Variants in ADAD2 observed in about 807,000 individuals in gnomAD.
ADAD2 encodes adenosine deaminase domain-containing protein 2.
In ADAD2, 60 loss-of-function variants were observed where a neutral mutation model predicts 54.5. The ratio of observed to expected loss-of-function variants is 1.10; its 90% confidence interval spans 0.89 to 1.36. The LOEUF is 1.36. ADAD2 is among the 40% of genes most tolerant of loss of function. The pLI is 0.00. For synonymous variants in ADAD2, 543 were observed against 366.2 expected, an observed-to-expected ratio of 1.48 and a Z score of -5.51; for missense variants, 1,103 against 801.3, an observed-to-expected ratio of 1.38 and a Z score of -4.54.
Position 84,196,775 on chromosome 16 carries a change from C to T in ADAD2, c.1647+8C>T. 6.2e-7 allele frequency: 1 copy of T among 1,605,004 alleles called. No homozygotes were observed. ...ACCTACGAGGCTGCCAAGGTTGGTT[C>T]CCCACCCTCCCCCCGTCCCGGTCCC... On this transcript the variant is annotated splice_region_variant and intron_variant, in intron 9 of 9. Transcript: ENST00000315906.
chr16:84,196,460 CG>C lies in ADAD2; in HGVS notation c.1526+91del. On this transcript the variant is annotated intron_variant, in intron 8 of 9. Coordinates refer to ENST00000315906, the MANE Select transcript of ADAD2 (RefSeq NM_001145400.2). ...CTTCCTCACCTCAGTCTAATCCCAG[CG>C]CAACCCCTTCGCTCAACCCCTTCGC... 1.9e-6 allele frequency: 3 copies of C among 1,546,944 alleles called. No individual in the cohort carries two copies. In the African/African-American group the frequency reaches 4.1e-5, roughly 21 times the overall value.
rs914904996 is a variant in ADAD2 at position 84,196,756 on chromosome 16, G to A, written c.1636G>A (p.Glu546Lys). ...CTACCTCCTGGCCTTGAAGACCTAC[G>A]AGGCTGCCAAGGTTGGTTCCCCACC... ...KPYLLALKTY[E>K]AAKAGPYQEA... Residue 546 changes from glutamate (E) to lysine (K), a missense_variant, in exon 9 of 10, where the codon GAG (glutamate) becomes AAG (lysine). Transcript: ENST00000315906. 14 of 1,611,492 alleles carry A rather than the reference G, an allele frequency of 8.7e-6. No individual in the cohort carries two copies. In the East Asian group the frequency reaches 1.1e-4, roughly 13 times the overall value.
At chr16:84,192,207 C>G (rs1356534232) in intron 1 of ADAD2, among the ~76,000 whole-genome samples, 1 of 152,196 alleles carries the variant, frequency 6.6e-6, no homozygotes, top group East Asian at 1.9e-4. Context: ...TGCGGTGGAA[C>G]AAGCTTGCCT....
At position 84,191,593 on chromosome 16, in the gene ADAD2, G is replaced by A; in HGVS notation, c.363G>A (p.Thr121=). 9.7e-6 allele frequency: 15 copies of A among 1,551,184 alleles called. No homozygotes were observed. Among genetic ancestry groups the A allele is most frequent in the Non-Finnish European group, 1.1e-5 (13 of 1,147,668 alleles). ...PPASQAVSLL[T]EYAASLGIFL... is the part of the protein sequence containing the mutation. ...CCAGCCAGGCCGTGTCCTTGCTCAC[G>A]GAGTACGCGGCCAGCCTGGGCATCT... is the stretch of plus-strand genomic sequence containing the variant. The change falls in exon 1 of 10, where the codon ACG becomes ACA. Residue 121 remains threonine (T), a synonymous_variant. Coordinates refer to ENST00000315906, the MANE Select transcript of ADAD2 (RefSeq NM_001145400.2).
At position 84,196,170 on chromosome 16, in the gene ADAD2, CACCCGGCCCT is replaced by C. The variant is rs778112863; in HGVS notation, c.1327_1336del (p.Thr443AlafsTer40). ...CTCCGACTCTGAGCAGGGCCATCCA[CACCCGGCCCT>C]GCCTGGACAGTGTCCTGGGGCCATG... On this transcript the variant is annotated frameshift_variant, in exon 8 of 10. Coordinates refer to ENST00000315906, the MANE Select transcript of ADAD2 (RefSeq NM_001145400.2). LOFTEE classifies it high-confidence loss of function. 4.4e-6 allele frequency: 7 copies of C among 1,607,230 alleles called. No individual in the cohort carries two copies. Among genetic ancestry groups the C allele is most frequent in the Admixed American group, 1.7e-5 (1 of 60,000 alleles).
Position 84,191,324 on chromosome 16 carries a change from TGGCGACCGCTACCCGCCCA to T in ADAD2, c.98_116del (p.Arg33ProfsTer26). 3.2e-6 allele frequency: 5 copies of T among 1,584,582 alleles called. No individual in the cohort carries two copies. The highest frequency in any genetic ancestry group is 4.3e-6 in the Non-Finnish European group (5 of 1,165,492). On this transcript the variant is annotated frameshift_variant, in exon 1 of 10. Transcript: ENST00000315906. LOFTEE classifies it high-confidence loss of function. ...GCAGATCAGCCCCCAGCCCCGCCCC[TGGCGACCGCTACCCGCCCA>T]GGCCCAAAGTGCCTGGGGGCCCGCG...
rs1462457369 is a variant in ADAD2 at position 84,194,924 on chromosome 16, C to T, written c.560-9C>T. ...ACCCACACCAGCCCGCCCTCCTTGC[C>T]TCTTTCAGAGTCCCCCCAGACCTCC... is the stretch of plus-strand genomic sequence containing the variant. On this transcript the variant is annotated splice_polypyrimidine_tract_variant and intron_variant, in intron 2 of 9. Coordinates refer to ENST00000315906, the MANE Select transcript of ADAD2 (RefSeq NM_001145400.2). The T allele has an allele frequency of 6.2e-7, 1 of 1,602,890 alleles. No individual in the cohort carries two copies. Among genetic ancestry groups the T allele is most frequent in the Non-Finnish European group, 8.5e-7 (1 of 1,175,088 alleles).
At chr16:84,192,215 C>T (rs1324268206) in intron 1 of ADAD2, among the ~76,000 whole-genome samples, 1 of 152,174 alleles carries the variant, frequency 6.6e-6, no homozygotes, top group Non-Finnish European at 1.5e-5. Context: ...AACAAGCTTG[C>T]CTCACTGCAG....
chr16:84,194,847 C>A, intron 2 of ADAD2, 86 bp from the exon 3 acceptor site: 1 of 1,437,794 alleles, frequency 7.0e-7, no homozygotes, highest in Non-Finnish European at 9.4e-7. Context: ...AAGATGAAAA[C>A]TTCCTCTCCC....
intron 5 of ADAD2, 35 bp downstream of exon 5, chr16:84,195,481 CT>C: frequency 6.2e-7 from 1 of 1,605,616 alleles, no homozygotes. Context: ...TGATAGCAGC[CT>C]TCGCCAGGAC....
In ADAD2 at chr16:84,195,304, C is replaced by A. The variant is rs200435738; in HGVS notation, c.742C>A (p.Arg248Ser). The A allele has an allele frequency of 1.1e-5, 17 of 1,611,280 alleles. No individual in the cohort carries two copies. The South Asian group carries it at 1.9e-4, about 18-fold the overall frequency. Residue 248 changes from arginine to serine, a missense_variant, in exon 5 of 10, where the codon CGT (arginine) becomes AGT (serine). Transcript: ENST00000315906. ...TGCCCCCTCCTGCACAGAGATCCCGCGTGCCAGGGGCCACGTGAAGGAGAT... is the reference window on the plus strand; with the variant it reads ...TGCCCCCTCCTGCACAGAGATCCCGAGTGCCAGGGGCCACGTGAAGGAGAT... ...AGVILEREIP[R>S]ARGHVKEIYK... is the part of the protein sequence containing the mutation.
At position 84,195,647 on chromosome 16, in the gene ADAD2, C is replaced by T. The variant is rs2089718663; in HGVS notation, c.1002C>T (p.Phe334=). ...CATTCACCCTCAAGCCCCGCGTCTT[C>T]CTGCACCTCTACATCAGCAACACCC... The part of the protein sequence containing the change: ...GPPFTLKPRV[F]LHLYISNTPK... Residue 334 remains phenylalanine (F), a synonymous_variant, in exon 6 of 10, where the codon TTC becomes TTT. Coordinates refer to ENST00000315906, the MANE Select transcript of ADAD2 (RefSeq NM_001145400.2). 6.3e-6 allele frequency: 10 copies of T among 1,599,994 alleles called. No individual in the cohort carries two copies. The East Asian group carries it at 6.7e-5, about 11-fold the overall frequency.
rs372806832 is a variant in ADAD2 at position 84,196,832 on chromosome 16, G to T, written c.1648-38G>T. 269 of 1,595,308 alleles carry T rather than the reference G, an allele frequency of 1.7e-4. 1 individual carries two copies. The African/African-American group carries it at 3.3e-3, about 20-fold the overall frequency. On this transcript the variant is annotated intron_variant, in intron 9 of 9. Transcript: ENST00000315906. ...GCCCTGCAGTCCCTGCCCCCTGCAG[G>T]TACCTCCTCTCACCCCACCTCTCAT...
In ADAD2 at chr16:84,196,108, T is replaced by C. The variant is rs771801333; in HGVS notation, c.1283-19T>C. ...GGCAGGGAGGTCACTCACCTTGTCC[T>C]GTCCCTTCTGCCCTGCAGCTGACTC... On this transcript the variant is annotated intron_variant, in intron 7 of 9. Transcript: ENST00000315906. The C allele has an allele frequency of 4.4e-6, 7 of 1,600,514 alleles. No individual in the cohort carries two copies. The South Asian group carries it at 7.7e-5, about 18-fold the overall frequency.
At position 84,194,450 on chromosome 16, in the gene ADAD2, T is replaced by G; in HGVS notation, c.427T>G (p.Phe143Val). The change falls in exon 2 of 10, where the codon TTC becomes GTC. Residue 143 changes from phenylalanine (F) to valine (V), a missense_variant. Transcript: ENST00000315906. Reference sequence around the variant, plus strand: ...CCTGGCTCCTTCCCCAGGTCCCTGCTTCCCCTTCTCGGTGAGCGCGGAACT... The same window carrying G: ...CCTGGCTCCTTCCCCAGGTCCCTGCGTCCCCTTCTCGGTGAGCGCGGAACT... ...FREDQPPGPC[F>V]PFSVSAELDG... 1 of 1,605,384 alleles carries G rather than the reference T, an allele frequency of 6.2e-7. No homozygotes were observed. The highest frequency in any genetic ancestry group is 1.1e-5 in the South Asian group (1 of 90,330).
Position 84,191,195 on chromosome 16 carries a change from G to T in ADAD2, c.-36G>T. 6.3e-7 allele frequency: 1 copy of T among 1,592,144 alleles called. No individual in the cohort carries two copies. The highest frequency in any genetic ancestry group is 1.1e-5 in the South Asian group (1 of 90,028). On this transcript the variant is annotated 5_prime_UTR_variant, in exon 1 of 10. Transcript: ENST00000315906. ...GTGTGAAAGGGCGAGAGCAGCGCGA[G>T]ATAGGGCCTAGCGCCTCAGATCTTC...
Position 84,195,889 on chromosome 16 carries a change from T to G in ADAD2, c.1127T>G (p.Leu376Arg), listed in dbSNP as rs200658205. ...CTGCAGGCCCATGTGCTCGGGCAGC[T>G]GAAGCCTGTGTGCTACGTGGCGCCC... is the stretch of plus-strand genomic sequence containing the variant. Reference protein sequence around the residue: ...MRLQAHVLGQLKPVCYVAPSL... With the variant: ...MRLQAHVLGQRKPVCYVAPSL... Residue 376 changes from leucine to arginine, a missense_variant, in exon 7 of 10, where the codon CTG becomes CGG. By Grantham distance (102) the Leu-to-Arg change is moderately radical (BLOSUM62 -2). Transcript: ENST00000315906. 3 of 1,603,536 alleles carry G rather than the reference T, an allele frequency of 1.9e-6. No homozygotes were observed. The African/African-American group carries it at 4.0e-5, about 21-fold the overall frequency.
At chr16:84,193,746 G>A (rs1338173670) in intron 1 of ADAD2, 13 of 369,066 alleles carry the variant, frequency 3.5e-5, no homozygotes, top group Non-Finnish European at 3.9e-5. Flanking sequence ...GGCTTTCTAA[G>A]GCCAACATCC....
Position 84,195,056 on chromosome 16 carries a change from C to A in ADAD2, c.608-13C>A, listed in dbSNP as rs748695862. The stretch of plus-strand genomic sequence containing the variant: ...GGGCCCCCTTCTACCTGCAGTCTCT[C>A]GCCCTGGCGCAGAGAACATCCTGAC... On this transcript the variant is annotated splice_polypyrimidine_tract_variant and intron_variant, in intron 3 of 9. Transcript: ENST00000315906. 1 of 1,612,754 alleles carries A rather than the reference C, an allele frequency of 6.2e-7. No homozygotes were observed. The highest frequency in any genetic ancestry group is 1.1e-5 in the South Asian group (1 of 90,934).
Sources: allele counts gnomAD v4.1 joint callset (sites outside exome capture counted in the v4.1 genomes callset), GRCh38; gene constraint gnomAD v4.1.1; transcripts MANE v1.5; gene names NCBI Gene and HGNC (gene_info 2026-07-23, HGNC 2026-07-21).